SCN11A: variants seen among roughly 807,000 people sequenced by gnomAD.
SCN11A encodes sodium voltage-gated channel alpha subunit 11, also known as sodium channel protein type 11 subunit alpha.
A neutral mutation model predicts 162.2 loss-of-function variants in SCN11A; 122 were observed. The observed-to-expected ratio is 0.75, with a 90% CI of 0.65 to 0.87. The LOEUF is 0.87. Ranked by LOEUF, SCN11A falls within the 40% of genes least tolerant of loss-of-function variation. The pLI, the probability that SCN11A is intolerant of heterozygous loss-of-function variation, is 0.00. For missense variants in SCN11A, 2,015 were observed against 2,181.6 expected (o/e 0.92, Z 1.52); for synonymous variants, 758 against 751.5 (o/e 1.01, Z -0.14).
intron 28 of SCN11A, among the ~76,000 whole-genome samples, chr3:38,859,474 T>C (rs770639810): frequency 2.0e-5 from 3 of 150,018 alleles, no homozygotes; most frequent in Non-Finnish European, 3.0e-5. Context: ...CAGGAAGAAA[T>C]AGAAACTCTG....
chr3:38,855,182 C>T (rs983649823), intron 28 of SCN11A, among the ~76,000 whole-genome samples: 2 of 152,194 alleles, frequency 1.3e-5, no homozygotes, highest in Admixed American at 6.5e-5. Flanking sequence ...GCAGTTAGCA[C>T]GGTACTGCAG....
chr3:38,880,964 C>G (rs1398965739), intron 22 of SCN11A, among the ~76,000 whole-genome samples: 1 of 152,154 alleles, frequency 6.6e-6, no homozygotes, highest in Non-Finnish European at 1.5e-5. Flanking sequence ...TTTACGTCAA[C>G]ATTGAAGGCA....
intron 7 of SCN11A, among the ~76,000 whole-genome samples, chr3:38,940,904 C>G (rs761110947): frequency 3.9e-5 from 6 of 152,018 alleles, no homozygotes; most frequent in Non-Finnish European, 8.8e-5. Flanking sequence ...CTGGGCAAAC[C>G]CTCCCACAGA....
intron 1 of SCN11A, among the ~76,000 whole-genome samples, chr3:39,044,409 C>T (rs1034553095): frequency 9.9e-5 from 15 of 152,256 alleles, no homozygotes; most frequent in African/African-American, 3.6e-4. Context: ...CCAAGATAGA[C>T]CATATGTTAG....
At chr3:38,993,320 A>G (rs1464394679) in intron 2 of SCN11A, among the ~76,000 whole-genome samples, 1 of 152,176 alleles carries the variant, frequency 6.6e-6, no homozygotes, top group African/African-American at 2.4e-5. Context: ...TCAGAAAAAA[A>G]AGAGCCCTAA....
At chr3:38,932,844 C>T (rs1334655100) in intron 7 of SCN11A, among the ~76,000 whole-genome samples, 1 of 152,224 alleles carries the variant, frequency 6.6e-6, no homozygotes, top group Non-Finnish European at 1.5e-5. Context: ...TTAGATGTCC[C>T]TGTCTGACAG....
intron 1 of SCN11A, among the ~76,000 whole-genome samples, chr3:39,046,567 G>A (rs982163636): frequency 6.6e-6 from 1 of 151,928 alleles, no homozygotes. Context: ...AAGCAATCCT[G>A]AGCAAAAAGA....
chr3:38,880,510 A>G (rs923553425), intron 22 of SCN11A, among the ~76,000 whole-genome samples: 2 of 152,052 alleles, frequency 1.3e-5, no homozygotes, highest in South Asian at 2.1e-4. Context: ...CATCCTCCCA[A>G]TTGCCTTGGT....
chr3:39,033,484 T>C (rs1204659395), intron 1 of SCN11A, among the ~76,000 whole-genome samples: 4 of 152,222 alleles, frequency 2.6e-5, no homozygotes, highest in Admixed American at 6.5e-5. Flanking sequence ...GAGAAAAGCA[T>C]TGTTATTACT....
chr3:38,901,053 A>C (rs1338417233), intron 16 of SCN11A, among the ~76,000 whole-genome samples: 2 of 152,192 alleles, frequency 1.3e-5, no homozygotes, highest in Admixed American at 1.3e-4. Flanking sequence ...TAATAAGGTA[A>C]TATTAAAAGG....
chr3:39,041,140 A>G (rs1374692866), intron 1 of SCN11A, among the ~76,000 whole-genome samples: 2 of 152,158 alleles, frequency 1.3e-5, no homozygotes, highest in Non-Finnish European at 2.9e-5. Context: ...TTTTGAAATA[A>G]CCCAGTCAGA....
At chr3:38,889,802 AAAAATAAAATAAAATAAAAT>A (rs372120454) in intron 19 of SCN11A, among the ~76,000 whole-genome samples, 5,760 of 130,926 alleles carry the variant, frequency 0.044, 208 homozygotes, top group African/African-American at 0.075. Flanking sequence ...TCCATCTCAA[AAAAATAAAATAAAATAAAAT>A]AAAATAAAAT....
chr3:38,867,432 G>T lies in SCN11A; in HGVS notation c.3840C>A (p.Ser1280Arg), dbSNP rs144377677. Reference protein sequence around the residue: ...TEKEQQPEFESNSLGYIYFVV... With the variant: ...TEKEQQPEFERNSLGYIYFVV... ...CGAAGTAAATGTAACCGAGTGAATTGCTCTCAAACTCTGGCTGTTGTTCTT... is the reference window on the plus strand; with the variant it reads ...CGAAGTAAATGTAACCGAGTGAATTTCTCTCAAACTCTGGCTGTTGTTCTT... Residue 1280 changes from serine (S) to arginine (R), a missense_variant, in exon 27 of 30, where the codon AGC becomes AGA. Physicochemically the swap from Ser to Arg is moderately radical, Grantham distance 110. Transcript: ENST00000302328. 3.5e-5 allele frequency: 57 copies of T among 1,611,262 alleles called. No homozygotes were observed. Among genetic ancestry groups the T allele is most frequent in the Non-Finnish European group, 4.5e-5 (53 of 1,178,772 alleles).
intron 2 of SCN11A, among the ~76,000 whole-genome samples, chr3:39,011,616 T>C (rs1575358033): frequency 6.6e-6 from 1 of 152,384 alleles, no homozygotes; most frequent in African/African-American, 2.4e-5. Context: ...AAATATCTTG[T>C]GGTTCTAACT....
chr3:38,889,778 C>T (rs1465924600), intron 19 of SCN11A, among the ~76,000 whole-genome samples: 12 of 146,710 alleles, frequency 8.2e-5, no homozygotes, highest in East Asian at 2.0e-4. Flanking sequence ...CCAGCCTGGG[C>T]GACAGAGCGA....
chr3:39,051,498 CG>C (rs1300120872), intron 1 of SCN11A, among the ~76,000 whole-genome samples: 1 of 152,124 alleles, frequency 6.6e-6, no homozygotes, highest in Non-Finnish European at 1.5e-5. Context: ...TTAATTTAAA[CG>C]GATTCTTTGC....
chr3:38,958,637 T>G (rs1411749767), intron 3 of SCN11A, among the ~76,000 whole-genome samples: 4 of 152,212 alleles, frequency 2.6e-5, no homozygotes, highest in African/African-American at 9.6e-5. Context: ...GTTTTAACAT[T>G]TTAGTGTATC....
At chr3:39,033,177 G>C (rs1161728444) in intron 1 of SCN11A, among the ~76,000 whole-genome samples, 2 of 147,826 alleles carry the variant, frequency 1.4e-5, no homozygotes, top group Middle Eastern at 7.0e-3. Flanking sequence ...GAGAGAGAGA[G>C]AGAAAACTTA....
intron 7 of SCN11A, among the ~76,000 whole-genome samples, chr3:38,929,144 C>A (rs1250814275): frequency 8.9e-6 from 1 of 111,948 alleles, no homozygotes; most frequent in Non-Finnish European, 2.1e-5. Context: ...CGCACACACA[C>A]ACACACACAC....
Sources: gnomAD v4.1 joint callset for allele counts (sites outside exome capture counted in the v4.1 genomes callset) on GRCh38, gnomAD v4.1.1 for gene constraint, MANE v1.5 for transcripts, NCBI Gene and HGNC (gene_info 2026-07-23, HGNC 2026-07-21) for gene names.